Variants in CCBE1 observed in about 807,000 individuals in gnomAD.
CCBE1 encodes the protein collagen and calcium-binding EGF domain-containing protein 1.
In CCBE1, 37 loss-of-function variants were observed where a neutral mutation model predicts 50.0. That is an observed-to-expected ratio of 0.74 (90% CI 0.57 to 0.97). The LOEUF is 0.97. Among genes scored for constraint, CCBE1 ranks in the 50% least tolerant of loss-of-function variants. The pLI, the probability that CCBE1 is intolerant of heterozygous loss-of-function variation, is 0.00. For missense variants in CCBE1, 538 were observed against 523.8 expected, an observed-to-expected ratio of 1.03 and a Z score of -0.26; for synonymous variants, 234 against 203.7, an observed-to-expected ratio of 1.15 and a Z score of -1.27.
intron 2 of CCBE1, among the ~76,000 whole-genome samples, chr18:59,688,787 TA>T (rs747874008): frequency 9.5e-4 from 145 of 152,266 alleles, no homozygotes; most frequent in Middle Eastern, 3.4e-3. Context: ...AAGTGACAAC[TA>T]AAGATGCTTG....
rs750324482 is a variant in CCBE1 at position 59,625,430 on chromosome 18, C to CAAAAAAAAAAAAAAAA, written c.212+71183_212+71198dup. On this transcript the variant is annotated intron_variant, in intron 2 of 10. Transcript: ENST00000439986. ...TGGGCTACAGAGTGAGATTCTGTCT[C>CAAAAAAAAAAAAAAAA]AAAAAAAAAAAAAAAAAAAAAAAAT... Among the ~76,000 whole-genome samples the CAAAAAAAAAAAAAAAA allele has an allele frequency of 3.3e-4, 23 of 69,900 alleles. 3 individuals are homozygous for CAAAAAAAAAAAAAAAA. The highest frequency in any genetic ancestry group is 1.3e-3 in the African/African-American group (22 of 16,470). The allele number at this position is 69,900 out of a possible 152,430, so 45.9% of individuals were successfully genotyped here. A position where few individuals can be genotyped will look rare whatever the true frequency, so the allele number is the denominator to read the frequency against.
intron 2 of CCBE1, among the ~76,000 whole-genome samples, chr18:59,576,296 G>A (rs1383228908): frequency 2.6e-5 from 4 of 152,222 alleles, no homozygotes; most frequent in Non-Finnish European, 5.9e-5. Flanking sequence ...CAAGAACAGA[G>A]CTGCCAGGTC....
intron 2 of CCBE1, among the ~76,000 whole-genome samples, chr18:59,594,295 T>C (rs949757619): frequency 2.6e-5 from 4 of 152,234 alleles, no homozygotes; most frequent in African/African-American, 7.2e-5. Context: ...AAAAAGCATG[T>C]AGAGATCTAA....
At chr18:59,497,818 C>T (rs1306954250) in intron 2 of CCBE1, among the ~76,000 whole-genome samples, 1 of 152,172 alleles carries the variant, frequency 6.6e-6, no homozygotes, top group Non-Finnish European at 1.5e-5. Context: ...AGGCAACGCT[C>T]CTGCCCCTCC....
chr18:59,556,717 A>G (rs1355670836), intron 2 of CCBE1, among the ~76,000 whole-genome samples: 1 of 152,234 alleles, frequency 6.6e-6, no homozygotes, highest in South Asian at 2.1e-4. Context: ...ACATTGTCAT[A>G]GTAACTCTTC....
intron 2 of CCBE1, among the ~76,000 whole-genome samples, chr18:59,497,396 TA>T (rs1298657958): frequency 1.3e-5 from 2 of 152,106 alleles, no homozygotes; most frequent in African/African-American, 4.8e-5. Flanking sequence ...CATAAGTGTC[TA>T]ACAACATCAC....
intron 2 of CCBE1, among the ~76,000 whole-genome samples, chr18:59,533,832 C>T (rs996903337): frequency 4.6e-5 from 7 of 152,208 alleles, no homozygotes; most frequent in African/African-American, 1.7e-4. Context: ...TATATCAATG[C>T]TGTATGTGCA....
At chr18:59,678,157 C>T (rs1361128034) in intron 2 of CCBE1, among the ~76,000 whole-genome samples, 1 of 152,040 alleles carries the variant, frequency 6.6e-6, no homozygotes, top group Non-Finnish European at 1.5e-5. Context: ...TTTTCTCCTA[C>T]CATAGAAGGA....
chr18:59,527,225 G>T (rs894948258), intron 2 of CCBE1, among the ~76,000 whole-genome samples: 2 of 152,124 alleles, frequency 1.3e-5, no homozygotes, highest in East Asian at 3.8e-4. Flanking sequence ...TTTTCTTGTT[G>T]AATTGAACCC....
In CCBE1 at chr18:59,591,245, C is replaced by CAAAAAAAA. The variant is rs58325003; in HGVS notation, c.212+105376_212+105383dup. 9.4e-4 allele frequency among the ~76,000 whole-genome samples: 2 copies of CAAAAAAAA among 2,118 alleles called. 1 individual carries two copies. Among genetic ancestry groups the CAAAAAAAA allele is most frequent in the Non-Finnish European group, 1.4e-3 (2 of 1,480 alleles). 1.4% of individuals were successfully genotyped at this position (2,118 alleles called of 152,430 possible). ...TGGGCCACAGAGCGAGACTCCGTCT[C>CAAAAAAAA]AAAAAAAAAAAAAAAAAAAAAAAAA... On this transcript the variant is annotated intron_variant, in intron 2 of 10. Coordinates refer to ENST00000439986, the MANE Select transcript of CCBE1 (RefSeq NM_133459.4).
intron 2 of CCBE1, among the ~76,000 whole-genome samples, chr18:59,554,029 G>T (rs778542483): frequency 2.6e-5 from 4 of 152,122 alleles, no homozygotes; most frequent in Non-Finnish European, 5.9e-5. Flanking sequence ...TAGAGATAAG[G>T]TCTCACTCTG....
At chr18:59,462,573 G>A (rs1598920702) in intron 5 of CCBE1, 1 of 152,112 alleles carries the variant, frequency 6.6e-6, no homozygotes, top group Non-Finnish European at 1.5e-5. Context: ...ATTTTTAGTA[G>A]AGATGGGGTC....
At chr18:59,670,842 G>C (rs1457329158) in intron 2 of CCBE1, among the ~76,000 whole-genome samples, 2 of 152,090 alleles carry the variant, frequency 1.3e-5, no homozygotes, top group Non-Finnish European at 2.9e-5. Flanking sequence ...CAGCTACTTG[G>C]GTGGCTGAGC....
At chr18:59,585,829 G>A (rs957892690) in intron 2 of CCBE1, among the ~76,000 whole-genome samples, 5 of 152,164 alleles carry the variant, frequency 3.3e-5, no homozygotes, top group African/African-American at 1.2e-4. Context: ...TTGTCACTTA[G>A]TCAAAGTGGC....
intron 2 of CCBE1, among the ~76,000 whole-genome samples, chr18:59,564,609 C>T (rs1239766342): frequency 1.3e-5 from 2 of 152,242 alleles, no homozygotes; most frequent in East Asian, 1.9e-4. Flanking sequence ...TTTCACTGAT[C>T]TTACCAACTA....
chr18:59,604,468 G>T (rs2144567697), intron 2 of CCBE1, among the ~76,000 whole-genome samples: 1 of 152,260 alleles, frequency 6.6e-6, no homozygotes, highest in East Asian at 1.9e-4. Context: ...TCTCAAACTG[G>T]CCCTCTCTAT....
intron 2 of CCBE1, among the ~76,000 whole-genome samples, chr18:59,524,175 C>A (rs1914720758): frequency 6.6e-6 from 1 of 152,088 alleles, no homozygotes; most frequent in African/African-American, 2.4e-5. Flanking sequence ...ATAAAAATTG[C>A]CAGACATGGT....
chr18:59,635,780 A>G (rs2053908313), intron 2 of CCBE1, among the ~76,000 whole-genome samples: 1 of 152,172 alleles, frequency 6.6e-6, no homozygotes. Flanking sequence ...TAAAGGCAGC[A>G]GCTGCATAGA....
intron 2 of CCBE1, among the ~76,000 whole-genome samples, chr18:59,505,837 G>C (rs1455282381): frequency 6.6e-6 from 1 of 152,170 alleles, no homozygotes; most frequent in African/African-American, 2.4e-5. Flanking sequence ...CTTACTAAAG[G>C]GATGTTCACC....
Sources: allele counts gnomAD v4.1 joint callset (sites outside exome capture counted in the v4.1 genomes callset), GRCh38; gene constraint gnomAD v4.1.1; transcripts MANE v1.5; gene names NCBI Gene and HGNC (gene_info 2026-07-23, HGNC 2026-07-21).